NTRK3: variants seen among roughly 807,000 people sequenced by gnomAD.
The protein encoded by NTRK3 is neurotrophic receptor tyrosine kinase 3.
Under a neutral mutation model 91.7 loss-of-function variants are expected in NTRK3, and 24 were observed. That is an observed-to-expected ratio of 0.26 (90% CI 0.19 to 0.37). The LOEUF is 0.37. Among genes scored for constraint, NTRK3 ranks in the 10% least tolerant of loss-of-function variants. The probability of loss-of-function intolerance (pLI) is 1.00; values close to 1 mark genes in which losing one functional copy is unlikely to be tolerated. For missense variants in NTRK3, 880 were observed against 1,068.9 expected (o/e 0.82, Z 2.46); for synonymous variants, 483 against 404.0 (o/e 1.20, Z -2.34).
chr15:88,203,370 C>A (rs971862888), intron 3 of NTRK3, among the ~76,000 whole-genome samples: 1 of 152,168 alleles, frequency 6.6e-6, no homozygotes, highest in Non-Finnish European at 1.5e-5. Context: ...CCGCATGACT[C>A]AGACCCCAAT....
At chr15:88,205,499 C>T (rs2141335387) in intron 3 of NTRK3, among the ~76,000 whole-genome samples, 1 of 152,238 alleles carries the variant, frequency 6.6e-6, no homozygotes, top group South Asian at 2.1e-4. Flanking sequence ...CAGATCTCTT[C>T]CTAGGAGGCT....
chr15:87,921,029 T>C (rs980767243), intron 17 of NTRK3, among the ~76,000 whole-genome samples: 10 of 152,300 alleles, frequency 6.6e-5, no homozygotes, highest in Admixed American at 5.2e-4. Context: ...TTCCATACGA[T>C]GCCAACAGGA....
chr15:88,093,079 T>G (rs2049187990), intron 13 of NTRK3, among the ~76,000 whole-genome samples: 1 of 151,276 alleles, frequency 6.6e-6, no homozygotes, highest in South Asian at 2.1e-4. Flanking sequence ...TTTTTGTTTT[T>G]TTTTTTTTGT....
chr15:88,067,366 T>A (rs1052118358), intron 13 of NTRK3, among the ~76,000 whole-genome samples: 1 of 152,256 alleles, frequency 6.6e-6, no homozygotes, highest in Non-Finnish European at 1.5e-5. Context: ...TCTATTTAGA[T>A]AGAATATCTA....
At chr15:87,877,177 G>C in intron 18 of NTRK3, 57 bp from the exon 20 acceptor site, 1 of 1,581,236 alleles carries the variant, frequency 6.3e-7, no homozygotes, top group Admixed American at 1.7e-5. Flanking sequence ...TGGTCCTGTG[G>C]CTCAGACTCG....
At chr15:87,989,904 G>A (rs2075155905) in intron 14 of NTRK3, among the ~76,000 whole-genome samples, 1 of 152,000 alleles carries the variant, frequency 6.6e-6, no homozygotes, top group Non-Finnish European at 1.5e-5. Flanking sequence ...ATCATGCCTG[G>A]GCTTGTTTCA....
At position 88,255,867 on chromosome 15, in the gene NTRK3, C is replaced by T. The variant is rs985592151; in HGVS notation, c.248+39G>A. The T allele has an allele frequency of 6.3e-7, 1 of 1,577,780 alleles. No individual in the cohort carries two copies. ...GGGTGGGCAGGAGGGAGACGCAGAG[C>T]GCGGGGGAGGCAGGCTGGGGAGCGG... On this transcript the variant is annotated intron_variant, in intron 3 of 18. Coordinates refer to ENST00000394480, the Ensembl canonical transcript of NTRK3. The surrounding 1 kb of genome is among the most constrained non-coding windows in gnomAD (Gnocchi z 4.3).
At chr15:88,177,083 C>A (rs1030903071) in intron 5 of NTRK3, among the ~76,000 whole-genome samples, 2 of 152,160 alleles carry the variant, frequency 1.3e-5, no homozygotes, top group East Asian at 3.9e-4. Flanking sequence ...ATGAGCTTGG[C>A]ACATTTAAGG....
intron 13 of NTRK3, among the ~76,000 whole-genome samples, chr15:88,069,107 T>A (rs2046897480): frequency 1.3e-5 from 2 of 152,184 alleles, no homozygotes; most frequent in Non-Finnish European, 2.9e-5. Flanking sequence ...TTATCAACAT[T>A]GCAGCCTCAG....
At chr15:88,254,834 T>C (rs2053839293) in intron 3 of NTRK3, among the ~76,000 whole-genome samples, 1 of 152,124 alleles carries the variant, frequency 6.6e-6, no homozygotes, top group Non-Finnish European at 1.5e-5. Flanking sequence ...GTGAGAATTA[T>C]CCTCTGAGCA....
intron 3 of NTRK3, among the ~76,000 whole-genome samples, chr15:88,205,280 G>A (rs2048644865): frequency 6.6e-6 from 1 of 152,142 alleles, no homozygotes; most frequent in Non-Finnish European, 1.5e-5. Context: ...AGACTTCCCT[G>A]GTTCAAGAGA....
chr15:87,952,041 C>G (rs2071157259), intron 14 of NTRK3, among the ~76,000 whole-genome samples: 1 of 152,036 alleles, frequency 6.6e-6, no homozygotes, highest in Non-Finnish European at 1.5e-5. Context: ...GTGGGAGAAT[C>G]GCTTGAACTT....
intron 13 of NTRK3, among the ~76,000 whole-genome samples, chr15:88,081,973 C>T (rs1182338603): frequency 6.6e-6 from 1 of 152,202 alleles, no homozygotes. Flanking sequence ...CCCCTGGGCT[C>T]TGCCCTCATT....
chr15:87,868,482 G>A (rs2064746349), exon 19 of NTRK3: 1 of 219,264 alleles, frequency 4.6e-6, no homozygotes, highest in East Asian at 6.7e-5. Flanking sequence ...ATTTCAAAGG[G>A]AATTAGAATC....
intron 14 of NTRK3, among the ~76,000 whole-genome samples, chr15:88,008,607 C>T (rs937549614): frequency 5.3e-4 from 81 of 152,234 alleles, no homozygotes; most frequent in African/African-American, 1.9e-3. Flanking sequence ...AAGTGCTTCA[C>T]ATTTTAAATT....
At position 88,252,342 on chromosome 15, in the gene NTRK3, G is replaced by T. The variant is rs553943065; in HGVS notation, c.248+3564C>A. On this transcript the variant is annotated intron_variant, in intron 3 of 18. Transcript: ENST00000394480. ...GAGCCAACATGACGGCCAAAGCCCC[G>T]AATGATCCTTCAGCCAGCCAGAAGA... 2.0e-5 allele frequency among the ~76,000 whole-genome samples: 3 copies of T among 152,208 alleles called. No individual in the cohort carries two copies. In the South Asian group the frequency reaches 6.2e-4, roughly 32 times the overall value.
chr15:88,000,368 T>C (rs1230661505), intron 14 of NTRK3, among the ~76,000 whole-genome samples: 1 of 152,206 alleles, frequency 6.6e-6, no homozygotes, highest in Non-Finnish European at 1.5e-5. Context: ...AATAGGGCAG[T>C]GTATACCAGG....
At chr15:87,903,817 T>C (rs1287717157) in intron 17 of NTRK3, among the ~76,000 whole-genome samples, 3 of 152,236 alleles carry the variant, frequency 2.0e-5, no homozygotes, top group African/African-American at 7.2e-5. Context: ...GGAAACCACA[T>C]TCCACAATTT....
At chr15:88,086,566 G>A (rs1380721137) in intron 13 of NTRK3, among the ~76,000 whole-genome samples, 1 of 151,640 alleles carries the variant, frequency 6.6e-6, no homozygotes, top group Non-Finnish European at 1.5e-5. Context: ...GGGCTCTCTC[G>A]TATTCTGATT....
Sources: allele counts gnomAD v4.1 joint callset (sites outside exome capture counted in the v4.1 genomes callset), GRCh38; gene constraint gnomAD v4.1.1; non-coding constraint Gnocchi (gnomAD v3.1); transcripts MANE v1.5; gene names NCBI Gene and HGNC (gene_info 2026-07-23, HGNC 2026-07-21).